Variants in EXOC4 observed in about 807,000 individuals in gnomAD.
The protein encoded by EXOC4 is exocyst complex component 4.
EXOC4 carries 71 observed loss-of-function variants against 107.2 expected under a neutral mutation model. The ratio of observed to expected loss-of-function variants is 0.66; its 90% CI spans 0.55 to 0.81. The LOEUF is 0.81. Among genes scored for constraint, EXOC4 ranks in the 30% least tolerant of loss-of-function variants. EXOC4 has a pLI of 0.00. For missense variants in EXOC4, 1,108 were observed against 1,189.6 expected (o/e 0.93, Z 1.01); for synonymous variants, 456 against 441.2 (o/e 1.03, Z -0.42).
chr7:133,277,024 C>T (rs1358630597), intron 2 of EXOC4, among the ~76,000 whole-genome samples: 4 of 151,484 alleles, frequency 2.6e-5, no homozygotes, highest in South Asian at 4.2e-4. Context: ...TGCAATGGCG[C>T]GATCTAAGCT....
chr7:133,734,353 G>C (rs1795393698), intron 10 of EXOC4, among the ~76,000 whole-genome samples: 1 of 151,922 alleles, frequency 6.6e-6, no homozygotes, highest in Non-Finnish European at 1.5e-5. Flanking sequence ...GTCATAAATT[G>C]GTTTTCCATT....
intron 9 of EXOC4, among the ~76,000 whole-genome samples, chr7:133,539,978 C>T (rs1800348433): frequency 6.6e-6 from 1 of 152,054 alleles, no homozygotes; most frequent in African/African-American, 2.4e-5. Flanking sequence ...ACAATCCCTT[C>T]TTGCTTGATG....
intron 11 of EXOC4, among the ~76,000 whole-genome samples, chr7:133,873,376 C>T (rs1159435435): frequency 6.6e-6 from 1 of 152,190 alleles, no homozygotes; most frequent in East Asian, 1.9e-4. Context: ...TGATACCTCA[C>T]ACCTCCCTCC....
chr7:133,569,919 T>A (rs1341045129), intron 9 of EXOC4, among the ~76,000 whole-genome samples: 1 of 152,216 alleles, frequency 6.6e-6, no homozygotes, highest in Non-Finnish European at 1.5e-5. Flanking sequence ...AGATCTGGGC[T>A]TATCACCAGT....
At chr7:134,038,132 G>A (rs1795433982) in intron 17 of EXOC4, among the ~76,000 whole-genome samples, 1 of 152,220 alleles carries the variant, frequency 6.6e-6, no homozygotes, top group Non-Finnish European at 1.5e-5. Flanking sequence ...CATGGGCTAA[G>A]GAGTCGCAGT....
intron 6 of EXOC4, among the ~76,000 whole-genome samples, chr7:133,369,896 C>A (rs775211319): frequency 6.8e-6 from 1 of 146,996 alleles, no homozygotes. Context: ...CCTTTGCCTG[C>A]CGGGTTCAAG....
chr7:133,937,759 A>G (rs570930299), intron 13 of EXOC4, 132 bp from the exon 14 acceptor site: 537 of 801,248 alleles, frequency 6.7e-4, no homozygotes, highest in Non-Finnish European at 9.8e-4. Context: ...ACAAAGTTAA[A>G]CCTAGGAAAA....
At chr7:133,359,293 T>C (rs1796089502) in intron 6 of EXOC4, among the ~76,000 whole-genome samples, 1 of 152,212 alleles carries the variant, frequency 6.6e-6, no homozygotes, top group East Asian at 1.9e-4. Flanking sequence ...ATGATCAGCA[T>C]TGTTGCTTCT....
At chr7:133,705,765 T>C (rs187027023) in intron 10 of EXOC4, among the ~76,000 whole-genome samples, 1 of 152,246 alleles carries the variant, frequency 6.6e-6, no homozygotes, top group East Asian at 1.9e-4. Context: ...ACGGATACAC[T>C]AGACAAAGGA....
chr7:133,874,869 G>A (rs1424515420), intron 11 of EXOC4, among the ~76,000 whole-genome samples: 1 of 152,204 alleles, frequency 6.6e-6, no homozygotes, highest in Non-Finnish European at 1.5e-5. Flanking sequence ...CTAGCAAAAG[G>A]AATAGTAAAG....
chr7:133,589,788 A>C (rs1234035172), intron 9 of EXOC4, among the ~76,000 whole-genome samples: 1 of 152,106 alleles, frequency 6.6e-6, no homozygotes, highest in Non-Finnish European at 1.5e-5. Context: ...CATCCTCAAG[A>C]TTGTCTTTTC....
chr7:133,477,256 A>G (rs1413795809), intron 8 of EXOC4, among the ~76,000 whole-genome samples: 1 of 152,200 alleles, frequency 6.6e-6, no homozygotes, highest in Non-Finnish European at 1.5e-5. Context: ...TCCCACCATT[A>G]CAGTGTCATA....
intron 10 of EXOC4, among the ~76,000 whole-genome samples, chr7:133,732,177 A>C (rs1404696024): frequency 6.6e-6 from 1 of 152,202 alleles, no homozygotes; most frequent in East Asian, 1.9e-4. Context: ...TATCCTCAGC[A>C]AACTAACACA....
At chr7:133,324,795 A>G (rs1795198699) in intron 5 of EXOC4, among the ~76,000 whole-genome samples, 1 of 152,134 alleles carries the variant, frequency 6.6e-6, no homozygotes, top group Non-Finnish European at 1.5e-5. Context: ...GATCTGTCTA[A>G]TGTTGACAGT....
At chr7:133,371,653 G>A (rs1386474302) in intron 6 of EXOC4, among the ~76,000 whole-genome samples, 1 of 152,120 alleles carries the variant, frequency 6.6e-6, no homozygotes, top group Admixed American at 6.6e-5. Flanking sequence ...TATTTGGATT[G>A]TTTCCACCTT....
At chr7:133,564,570 T>C (rs1800871103) in intron 9 of EXOC4, among the ~76,000 whole-genome samples, 2 of 152,152 alleles carry the variant, frequency 1.3e-5, no homozygotes, top group South Asian at 4.1e-4. Context: ...TATAAGTTGT[T>C]TTAGTCATTA....
chr7:133,424,108 G>A (rs1377472801), intron 7 of EXOC4, among the ~76,000 whole-genome samples: 2 of 152,182 alleles, frequency 1.3e-5, no homozygotes, highest in African/African-American at 2.4e-5. Flanking sequence ...TCAGTAGGAT[G>A]TGGGTGGGGC....
chr7:133,481,244 C>T (rs1341531608), intron 9 of EXOC4, among the ~76,000 whole-genome samples: 2 of 151,712 alleles, frequency 1.3e-5, no homozygotes, highest in Admixed American at 6.6e-5. Flanking sequence ...CACACACACA[C>T]GTCAATAACA....
intron 10 of EXOC4, among the ~76,000 whole-genome samples, chr7:133,673,159 G>C (rs1267152754): frequency 6.6e-6 from 1 of 152,116 alleles, no homozygotes; most frequent in Non-Finnish European, 1.5e-5. Flanking sequence ...AGGTTAAAGA[G>C]CCAAACATCT....
Sources: gnomAD v4.1 joint callset for allele counts (sites outside exome capture counted in the v4.1 genomes callset) on GRCh38, gnomAD v4.1.1 for gene constraint, MANE v1.5 for transcripts, NCBI Gene and HGNC (gene_info 2026-07-23, HGNC 2026-07-21) for gene names.